The following NSMCE2 variants were observed in gnomAD, a reference collection of about 807,000 sequenced individuals.
The protein encoded by NSMCE2 is E3 SUMO-protein ligase NSE2.
A neutral mutation model predicts 23.8 loss-of-function variants in NSMCE2; 24 were observed. The observed-to-expected ratio is 1.01, with a 90% CI of 0.73 to 1.42. The LOEUF (loss-of-function observed/expected upper bound fraction) is 1.42. Among genes scored for constraint, NSMCE2 ranks in the 40% most tolerant of loss-of-function variants. The pLI, the probability that NSMCE2 is intolerant of heterozygous loss-of-function variation, is 0.00. For missense variants in NSMCE2, 284 were observed against 296.5 expected (o/e 0.96, Z 0.31); for synonymous variants, 92 against 94.1 (o/e 0.98, Z 0.13).
chr8:125,316,851 T>C (rs1829229709), intron 5 of NSMCE2, among the ~76,000 whole-genome samples: 1 of 151,696 alleles, frequency 6.6e-6, no homozygotes, highest in African/African-American at 2.4e-5. Context: ...TGATCACAGT[T>C]CACTGCAGAC....
intron 5 of NSMCE2, among the ~76,000 whole-genome samples, chr8:125,323,952 A>G (rs532588698): frequency 9.2e-5 from 14 of 152,318 alleles, no homozygotes; most frequent in Admixed American, 5.2e-4. Context: ...TCAAAACTCA[A>G]TAAGAAGAAA....
intron 3 of NSMCE2, among the ~76,000 whole-genome samples, chr8:125,136,873 A>G (rs1820094014): frequency 2.0e-5 from 3 of 152,176 alleles, no homozygotes; most frequent in Admixed American, 1.3e-4. Flanking sequence ...AAATGTCAAT[A>G]TAAGTAAGGA....
Position 125,218,304 on chromosome 8 carries a change from G to T in NSMCE2, c.418+36048G>T, listed in dbSNP as rs1266803577. ...TTCTGACATACAAACAGACAGGTAG[G>T]TTTAATTAGGGAAAAGTTCTAGAAG... On this transcript the variant is annotated intron_variant, in intron 5 of 7. Coordinates refer to ENST00000287437, the MANE Select transcript of NSMCE2 (RefSeq NM_173685.4). Among the ~76,000 whole-genome samples, 16 of 152,132 alleles carry T rather than the reference G, an allele frequency of 1.1e-4. No individual in the cohort carries two copies. In the East Asian group the frequency reaches 3.1e-3, roughly 29 times the overall value.
At chr8:125,231,526 C>T (rs1349943209) in intron 5 of NSMCE2, among the ~76,000 whole-genome samples, 1 of 152,210 alleles carries the variant, frequency 6.6e-6, no homozygotes, top group African/African-American at 2.4e-5. Context: ...TTTTGTGTTA[C>T]AACAGAACTC....
intron 5 of NSMCE2, among the ~76,000 whole-genome samples, chr8:125,217,512 C>T (rs552063747): frequency 1.1e-4 from 17 of 152,170 alleles, no homozygotes; most frequent in South Asian, 1.0e-3. Context: ...GGGCACCTAC[C>T]GCCACACATG....
intron 5 of NSMCE2, among the ~76,000 whole-genome samples, chr8:125,274,999 GATAATAATAATA>G (rs72261443): frequency 0.035 from 5,039 of 142,382 alleles, 143 homozygotes; most frequent in African/African-American, 0.083. Context: ...ATCTGAAGAT[GATAATAATAATA>G]ATAATAATAA....
At chr8:125,196,172 C>T (rs1180025529) in intron 5 of NSMCE2, among the ~76,000 whole-genome samples, 1 of 151,008 alleles carries the variant, frequency 6.6e-6, no homozygotes, top group Non-Finnish European at 1.5e-5. Flanking sequence ...GCATCAGCCA[C>T]CAAGTGCAGC....
intron 5 of NSMCE2, among the ~76,000 whole-genome samples, chr8:125,226,997 C>G (rs1825124215): frequency 2.0e-5 from 3 of 152,148 alleles, no homozygotes; most frequent in African/African-American, 7.2e-5. Context: ...CCCCAGCCCC[C>G]TTTGCCTAGG....
chr8:125,162,227 A>T (rs967945249), intron 4 of NSMCE2, among the ~76,000 whole-genome samples: 19 of 152,200 alleles, frequency 1.2e-4, no homozygotes, highest in African/African-American at 1.9e-4. Flanking sequence ...GGTAAAAAAA[A>T]TTTTAATTGT....
At chr8:125,304,060 G>C (rs1015259961) in intron 5 of NSMCE2, among the ~76,000 whole-genome samples, 1 of 152,134 alleles carries the variant, frequency 6.6e-6, no homozygotes, top group African/African-American at 2.4e-5. Flanking sequence ...CTCTACATAA[G>C]ATATTAATTC....
At chr8:125,153,410 A>C (rs1821147568) in intron 4 of NSMCE2, among the ~76,000 whole-genome samples, 1 of 152,316 alleles carries the variant, frequency 6.6e-6, no homozygotes, top group African/African-American at 2.4e-5. Context: ...AAGAATAATA[A>C]ATCACAATTT....
At chr8:125,305,485 T>A (rs560127406) in intron 5 of NSMCE2, among the ~76,000 whole-genome samples, 1 of 152,314 alleles carries the variant, frequency 6.6e-6, no homozygotes, top group African/African-American at 2.4e-5. Flanking sequence ...CTGGAAGCGT[T>A]AAACTGTCAG....
intron 5 of NSMCE2, among the ~76,000 whole-genome samples, chr8:125,234,385 A>T (rs1409627316): frequency 6.6e-6 from 1 of 152,240 alleles, no homozygotes; most frequent in Non-Finnish European, 1.5e-5. Context: ...TATTTTTCAG[A>T]TTGTGAAAAC....
chr8:125,362,463 A>G (rs1013361459), intron 7 of NSMCE2, among the ~76,000 whole-genome samples: 2 of 152,132 alleles, frequency 1.3e-5, no homozygotes, highest in Non-Finnish European at 2.9e-5. Context: ...GCTCCTCTCC[A>G]CGAGCTTCTT....
intron 4 of NSMCE2, among the ~76,000 whole-genome samples, chr8:125,173,974 A>G (rs568551323): frequency 1.2e-4 from 19 of 152,288 alleles, no homozygotes; most frequent in African/African-American, 4.1e-4. Flanking sequence ...CACTCAGACG[A>G]AAGGTGCTGT....
chr8:125,091,916 G>C lies in NSMCE2; in HGVS notation c.-153G>C, dbSNP rs889970445. Reference sequence around the variant, plus strand: ...AGGAAAGGAGGTGGGTCTAGGCAGGGGAAATTGGGGTGCCACCAGACGGAG... The same window carrying C: ...AGGAAAGGAGGTGGGTCTAGGCAGGCGAAATTGGGGTGCCACCAGACGGAG... On this transcript the variant is annotated 5_prime_UTR_variant, in exon 1 of 8. Coordinates refer to ENST00000287437, the MANE Select transcript of NSMCE2 (RefSeq NM_173685.4). The C allele has an allele frequency of 2.0e-5, 3 of 152,354 alleles. No individual in the cohort carries two copies. Among genetic ancestry groups the C allele is most frequent in the African/African-American group, 7.2e-5 (3 of 41,460 alleles). 9.4% of individuals were successfully genotyped at this position (152,354 alleles called of 1,614,324 possible). A position where few individuals can be genotyped will look rare whatever the true frequency, so the allele number is the denominator to read the frequency against.
chr8:125,363,562 G>GA (rs1813654803), intron 7 of NSMCE2, among the ~76,000 whole-genome samples: 4 of 142,582 alleles, frequency 2.8e-5, no homozygotes, highest in African/African-American at 7.8e-5. Context: ...GAGAGAGAGA[G>GA]GGAGGGAGGG....
intron 5 of NSMCE2, among the ~76,000 whole-genome samples, chr8:125,222,000 C>T (rs1586632623): frequency 2.0e-5 from 3 of 152,070 alleles, no homozygotes; most frequent in Non-Finnish European, 2.9e-5. Context: ...TAAATATTCA[C>T]CTTATTTGGC....
At chr8:125,340,596 C>CT (rs1830214199) in intron 5 of NSMCE2, among the ~76,000 whole-genome samples, 1 of 152,104 alleles carries the variant, frequency 6.6e-6, no homozygotes, top group African/African-American at 2.4e-5. Flanking sequence ...TAGTCATTGG[C>CT]TTTTTTGTCA....
Sources: gnomAD v4.1 joint callset for allele counts (sites outside exome capture counted in the v4.1 genomes callset) on GRCh38, gnomAD v4.1.1 for gene constraint, MANE v1.5 for transcripts, NCBI Gene and HGNC (gene_info 2026-07-23, HGNC 2026-07-21) for gene names.